The following BICD1 variants were observed in gnomAD, a reference collection of about 807,000 sequenced individuals.
The protein encoded by BICD1 is protein bicaudal D homolog 1.
Under a neutral mutation model 92.5 loss-of-function variants are expected in BICD1, and 35 were observed. The observed-to-expected ratio is 0.38, with a 90% CI of 0.29 to 0.50. The LOEUF is 0.50. Ranked by LOEUF, BICD1 falls within the 20% of genes least tolerant of loss-of-function variation. The pLI, the probability that BICD1 is intolerant of heterozygous loss-of-function variation, is 0.93. For missense variants in BICD1, 950 were observed against 1,189.8 expected (o/e 0.80, Z 2.97); for synonymous variants, 429 against 465.1 (o/e 0.92, Z 1.00).
intron 1 of BICD1, among the ~76,000 whole-genome samples, chr12:32,213,221 T>G (rs1405110194): frequency 1.3e-5 from 2 of 152,228 alleles, no homozygotes; most frequent in African/African-American, 4.8e-5. Flanking sequence ...CGGAGGAGTC[T>G]TTCTATAATT....
chr12:32,324,557 T>C (rs960971944), intron 4 of BICD1, among the ~76,000 whole-genome samples: 7 of 126,942 alleles, frequency 5.5e-5, no homozygotes, highest in African/African-American at 2.1e-4. Flanking sequence ...TTGCAACTAC[T>C]GTACTGTACT....
At chr12:32,301,078 A>G (rs889895550) in intron 3 of BICD1, among the ~76,000 whole-genome samples, 2 of 152,068 alleles carry the variant, frequency 1.3e-5, no homozygotes, top group African/African-American at 2.4e-5. Flanking sequence ...CTCCTTTCAT[A>G]AGGAGGTAAA....
intron 8 of BICD1, among the ~76,000 whole-genome samples, chr12:32,349,180 G>A (rs115249522): frequency 2.0e-4 from 30 of 152,178 alleles, no homozygotes; most frequent in African/African-American, 6.7e-4. Flanking sequence ...AGAGCCATCC[G>A]TATCTTCTGT....
At chr12:32,128,606 T>G (rs1177594485) in intron 1 of BICD1, among the ~76,000 whole-genome samples, 1 of 78,070 alleles carries the variant, frequency 1.3e-5, no homozygotes, top group African/African-American at 3.4e-5. Context: ...ATTGTTCCTT[T>G]TCTTAAAAAA....
At chr12:32,251,602 A>T (rs1218147576) in intron 2 of BICD1, among the ~76,000 whole-genome samples, 1 of 151,772 alleles carries the variant, frequency 6.6e-6, no homozygotes, top group Non-Finnish European at 1.5e-5. Context: ...ATTTTCTAGA[A>T]CTCTCCATTC....
chr12:32,123,026 C>T (rs566588791), intron 1 of BICD1, among the ~76,000 whole-genome samples: 116 of 152,132 alleles, frequency 7.6e-4, no homozygotes, highest in Non-Finnish European at 9.7e-4. Flanking sequence ...TCCATATTTG[C>T]GGAGCCTACA....
intron 2 of BICD1, among the ~76,000 whole-genome samples, chr12:32,220,194 A>T (rs1206472094): frequency 6.6e-6 from 1 of 152,240 alleles, no homozygotes; most frequent in African/African-American, 2.4e-5. Context: ...CAAGGACTTC[A>T]TGTATAAAAC....
chr12:32,297,193 C>G (rs1947898604), intron 3 of BICD1, among the ~76,000 whole-genome samples: 1 of 152,004 alleles, frequency 6.6e-6, no homozygotes, highest in Admixed American at 6.6e-5. Context: ...TCTCTCTAAT[C>G]AATAAAGTTT....
intron 2 of BICD1, among the ~76,000 whole-genome samples, chr12:32,243,352 G>A (rs551759771): frequency 8.8e-5 from 13 of 147,404 alleles, no homozygotes; most frequent in East Asian, 4.0e-4. Flanking sequence ...GAGCTCAAGC[G>A]GTCTGCCTGC....
At chr12:32,219,385 T>C (rs144792879) in intron 2 of BICD1, among the ~76,000 whole-genome samples, 3 of 152,286 alleles carry the variant, frequency 2.0e-5, no homozygotes, top group African/African-American at 7.2e-5. Context: ...AATGGAAAAA[T>C]TGCTGAATTA....
intron 4 of BICD1, among the ~76,000 whole-genome samples, chr12:32,315,822 A>G (rs1177965510): frequency 6.6e-6 from 1 of 152,018 alleles, no homozygotes; most frequent in African/African-American, 2.4e-5. Context: ...ATGAGATAGT[A>G]AACATTTTAT....
At chr12:32,325,249 A>G (rs535049919) in intron 4 of BICD1, among the ~76,000 whole-genome samples, 2 of 152,162 alleles carry the variant, frequency 1.3e-5, no homozygotes, top group South Asian at 4.2e-4. Flanking sequence ...ATTTATCACT[A>G]GGAGACAAGA....
chr12:32,278,705 A>C (rs1947338064), intron 2 of BICD1, among the ~76,000 whole-genome samples: 1 of 152,062 alleles, frequency 6.6e-6, no homozygotes, highest in African/African-American at 2.4e-5. Flanking sequence ...TACAAAAAAA[A>C]ATTAGCCGGG....
intron 8 of BICD1, among the ~76,000 whole-genome samples, chr12:32,365,701 A>G (rs1034811942): frequency 1.3e-5 from 2 of 152,330 alleles, no homozygotes; most frequent in South Asian, 2.1e-4. Flanking sequence ...CCTTATCAAA[A>G]TAGTTGTCAA....
intron 4 of BICD1, among the ~76,000 whole-genome samples, chr12:32,320,022 T>C (rs1948607145): frequency 6.6e-6 from 1 of 152,232 alleles, no homozygotes; most frequent in South Asian, 2.1e-4. Context: ...AATTCCCTCA[T>C]ATAGAGTTTC....
intron 1 of BICD1, among the ~76,000 whole-genome samples, chr12:32,165,231 G>A (rs2121512259): frequency 6.6e-6 from 1 of 152,260 alleles, no homozygotes; most frequent in Middle Eastern, 3.4e-3. Context: ...AAGTATTTGA[G>A]TTGGCCGGGC....
chr12:32,163,006 A>T (rs2121504288), intron 1 of BICD1, among the ~76,000 whole-genome samples: 1 of 151,990 alleles, frequency 6.6e-6, no homozygotes, highest in East Asian at 1.9e-4. Context: ...AAAATAAAAA[A>T]TTTGATATTT....
intron 2 of BICD1, among the ~76,000 whole-genome samples, chr12:32,278,650 G>A (rs571899831): frequency 6.6e-6 from 1 of 152,044 alleles, no homozygotes; most frequent in East Asian, 1.9e-4. Flanking sequence ...TCAGGAGATC[G>A]AGACCATCCT....
chr12:32,284,617 A>C (rs1228260696), intron 2 of BICD1, among the ~76,000 whole-genome samples: 11 of 152,166 alleles, frequency 7.2e-5, no homozygotes, highest in Non-Finnish European at 1.3e-4. Context: ...CCACCCTCGC[A>C]ACTCTCAACA....
Sources: gnomAD v4.1 joint callset for allele counts (sites outside exome capture counted in the v4.1 genomes callset) on GRCh38, gnomAD v4.1.1 for gene constraint, MANE v1.5 for transcripts, NCBI Gene and HGNC (gene_info 2026-07-23, HGNC 2026-07-21) for gene names.